CHID1: variants seen among roughly 807,000 people sequenced by gnomAD.
CHID1 encodes the protein chitinase domain containing 1, also known as chitinase domain-containing protein 1.
CHID1 carries 44 observed loss-of-function variants against 55.4 expected under a neutral mutation model. The ratio of observed to expected loss-of-function variants is 0.79; its 90% CI spans 0.62 to 1.02. The LOEUF is 1.02. Among genes scored for constraint, CHID1 ranks in the 50% least tolerant of loss-of-function variants. The probability of loss-of-function intolerance (pLI) is 0.00; values close to 1 mark genes in which losing one functional copy is unlikely to be tolerated. For missense variants in CHID1, 491 were observed against 515.3 expected (o/e 0.95, Z 0.46); for synonymous variants, 216 against 212.9 (o/e 1.01, Z -0.13).
upstream of CHID1, chr11:914,508 G>C (rs1220540507): frequency 7.8e-7 from 1 of 1,287,472 alleles, no homozygotes; most frequent in Admixed American, 2.3e-5. Context: ...TGCTTTAGGA[G>C]ACCCCATGCC....
At chr11:874,524 A>G (rs1849374201) in intron 10 of CHID1, among the ~76,000 whole-genome samples, 1 of 152,164 alleles carries the variant, frequency 6.6e-6, no homozygotes, top group East Asian at 1.9e-4. Context: ...GTGTGATCAT[A>G]GCGCACTGCA....
At chr11:881,383 C>T (rs897770428) in intron 10 of CHID1, among the ~76,000 whole-genome samples, 136 of 147,486 alleles carry the variant, frequency 9.2e-4, no homozygotes, top group African/African-American at 3.3e-3. Context: ...GGGCGGTAGG[C>T]TGGGTGGTGA....
intron 8 of CHID1, among the ~76,000 whole-genome samples, chr11:885,332 C>T (rs1850311048): frequency 6.6e-6 from 1 of 152,192 alleles, no homozygotes; most frequent in African/African-American, 2.4e-5. Flanking sequence ...AGTTTTATCC[C>T]AGCCCCTGCC....
At chr11:873,356 G>GT (rs1849298794) in intron 10 of CHID1, among the ~76,000 whole-genome samples, 1 of 152,156 alleles carries the variant, frequency 6.6e-6, no homozygotes, top group Non-Finnish European at 1.5e-5. Flanking sequence ...TTGAGGGCTT[G>GT]TAAGACCCCA....
Position 869,672 on chromosome 11 carries a change from C to G in CHID1, c.*186G>C. 3.2e-6 allele frequency: 2 copies of G among 617,556 alleles called. No homozygotes were observed. The highest frequency in any genetic ancestry group is 2.9e-6 in the Non-Finnish European group (1 of 348,386). 38.3% of individuals were successfully genotyped at this position (617,556 alleles called of 1,614,324 possible). On this transcript the variant is annotated 3_prime_UTR_variant, in exon 13 of 13. Coordinates refer to ENST00000323578, the MANE Select transcript of CHID1 (RefSeq NM_023947.4). ...CTCGAGCTCTCAGGGTGTCCCCCAG[C>G]TAGGACTCATCCAGGGCAGGGACCC...
At chr11:893,269 G>A (rs971224380) in intron 8 of CHID1, among the ~76,000 whole-genome samples, 158 bp downstream of exon 8, 2 of 152,226 alleles carry the variant, frequency 1.3e-5, no homozygotes, top group African/African-American at 4.8e-5. Context: ...CCCAGCACAG[G>A]GGCACAGAGT....
At chr11:886,310 T>G (rs967461811) in intron 8 of CHID1, among the ~76,000 whole-genome samples, 2 of 151,670 alleles carry the variant, frequency 1.3e-5, no homozygotes, top group African/African-American at 4.9e-5. Context: ...AATTAAAAAA[T>G]TAGCCGGGTG....
chr11:878,021 C>T (rs1325142388), intron 10 of CHID1, among the ~76,000 whole-genome samples: 2 of 152,358 alleles, frequency 1.3e-5, no homozygotes, highest in Non-Finnish European at 2.9e-5. Flanking sequence ...CCCTGTACCA[C>T]GGACACCCTG....
At chr11:878,909 C>T (rs887028827) in intron 10 of CHID1, among the ~76,000 whole-genome samples, 1 of 151,880 alleles carries the variant, frequency 6.6e-6, no homozygotes, top group Non-Finnish European at 1.5e-5. Flanking sequence ...TGCAGTGGTG[C>T]GATCTGGGCT....
rs1852088859 is a variant in CHID1, at chr11:904,811, C to T, written c.6G>A (p.Arg2=). Residue 2 remains arginine, a synonymous_variant, in exon 2 of 13, where the codon CGG becomes CGA. Coordinates refer to ENST00000323578, the MANE Select transcript of CHID1 (RefSeq NM_023947.4). ...CAAGCCAGAGGAGGTTGAAGAGTGT[C>T]CGCATGGTAGGTGTGTCACAGTAGG... The part of the protein sequence containing the change: M[R]TLFNLLWLAL... 6 of 1,613,830 alleles carry T rather than the reference C, an allele frequency of 3.7e-6. No homozygotes were observed. The highest frequency in any genetic ancestry group is 4.2e-6 in the Non-Finnish European group (5 of 1,180,010).
At chr11:870,294 G>T in intron 11 of CHID1, 125 bp downstream of exon 11, 2 of 1,368,952 alleles carry the variant, frequency 1.5e-6, no homozygotes, top group Non-Finnish European at 2.1e-6. Flanking sequence ...GTGCTCCAGG[G>T]CCGGGAGCAG....
chr11:908,857 C>T (rs966367215), intron 1 of CHID1, among the ~76,000 whole-genome samples: 1 of 152,338 alleles, frequency 6.6e-6, no homozygotes, highest in Non-Finnish European at 1.5e-5. Flanking sequence ...TGCCCCCCAA[C>T]CTGTGATTTC....
In CHID1 at chr11:867,907, G is replaced by GCC. The variant is rs1298822210; in HGVS notation, c.*1949_*1950dup. 1.3e-5 allele frequency: 2 copies of GCC among 152,314 alleles called. No individual in the cohort carries two copies. The highest frequency in any genetic ancestry group is 3.9e-4 in the East Asian group (2 of 5,174). 9.4% of individuals were successfully genotyped at this position (152,314 alleles called of 1,614,324 possible). On this transcript the variant is annotated 3_prime_UTR_variant, in exon 13 of 13. Transcript: ENST00000323578. Reference sequence around the variant, plus strand: ...ATCAAGGTGCCTCAGGATTCTCACAGCCAGGGGTGAGGGTTGTGTGGGGAC... The same window carrying GCC: ...ATCAAGGTGCCTCAGGATTCTCACAGCCCCAGGGGTGAGGGTTGTGTGGGGAC...
rs568602461 is a variant in CHID1, at chr11:903,017, G to A, written c.206C>T (p.Ser69Leu). The A allele has an allele frequency of 2.1e-5, 34 of 1,614,000 alleles. No homozygotes were observed. Among genetic ancestry groups the A allele is most frequent in the East Asian group, 8.9e-5 (4 of 44,880 alleles). Residue 69 changes from serine (S) to leucine (L), a missense_variant, in exon 3 of 13, where the codon TCG becomes TTG. Ser to Leu is a moderately radical substitution (Grantham distance 145, BLOSUM62 -2). Transcript: ENST00000323578. ...SVVLEHRSYC[S>L]AKARDRHFAG... ...AAAGTGTCTGTCCCGGGCCTTTGCC[G>A]AGCAGTAGCTGCGATGCTCAAGAAC...
At chr11:897,982 G>C (rs1425130832) in intron 7 of CHID1, among the ~76,000 whole-genome samples, 1 of 152,230 alleles carries the variant, frequency 6.6e-6, no homozygotes, top group East Asian at 1.9e-4. Flanking sequence ...GAGCAGTTCC[G>C]GGAAGAGCCT....
intron 8 of CHID1, among the ~76,000 whole-genome samples, chr11:887,734 T>G (rs1050914556): frequency 1.3e-5 from 2 of 152,144 alleles, no homozygotes; most frequent in Non-Finnish European, 2.9e-5. Flanking sequence ...CACGCTGCTA[T>G]CAGACATGTG....
intron 10 of CHID1, among the ~76,000 whole-genome samples, chr11:872,271 C>T (rs978365777): frequency 1.3e-5 from 2 of 152,226 alleles, no homozygotes; most frequent in African/African-American, 4.8e-5. Flanking sequence ...AATTCTCCCA[C>T]CTCTGCCTCC....
At chr11:872,377 T>C (rs1849238079) in intron 10 of CHID1, among the ~76,000 whole-genome samples, 1 of 152,192 alleles carries the variant, frequency 6.6e-6, no homozygotes, top group African/African-American at 2.4e-5. Flanking sequence ...ATGCTGGTCT[T>C]GAACTCCTGA....
At chr11:895,701 T>C (rs1046766474) in intron 7 of CHID1, among the ~76,000 whole-genome samples, 2 of 152,140 alleles carry the variant, frequency 1.3e-5, no homozygotes, top group Admixed American at 6.5e-5. Context: ...GCCCAGTGCA[T>C]GGGACCGAAC....
Sources: allele counts gnomAD v4.1 joint callset (sites outside exome capture counted in the v4.1 genomes callset), GRCh38; gene constraint gnomAD v4.1.1; transcripts MANE v1.5; gene names NCBI Gene and HGNC (gene_info 2026-07-23, HGNC 2026-07-21).